Variants in DLGAP1 observed in about 807,000 individuals in gnomAD.
The protein encoded by DLGAP1 is disks large-associated protein 1.
DLGAP1 carries 11 observed loss-of-function variants against 90.8 expected under a neutral mutation model. That is an observed-to-expected ratio of 0.12 (90% CI 0.08 to 0.20). DLGAP1 has a LOEUF of 0.20. DLGAP1 is among the 10% of genes least tolerant of loss of function. The pLI, the probability that DLGAP1 is intolerant of heterozygous loss-of-function variation, is 1.00. For missense variants in DLGAP1, 1,050 were observed against 1,333.8 expected (o/e 0.79, Z 3.31); for synonymous variants, 558 against 540.7 (o/e 1.03, Z -0.44).
intron 1 of DLGAP1, among the ~76,000 whole-genome samples, chr18:4,291,974 G>C (rs2143053329): frequency 6.6e-6 from 1 of 152,146 alleles, no homozygotes; most frequent in African/African-American, 2.4e-5. Context: ...AATTCTCTGG[G>C]GTACTGTTGA....
chr18:4,325,153 C>A (rs1001377699), intron 1 of DLGAP1, among the ~76,000 whole-genome samples: 2 of 152,148 alleles, frequency 1.3e-5, no homozygotes, highest in East Asian at 1.9e-4. Context: ...TGATATACAA[C>A]TTTAGCAAAG....
At chr18:4,019,442 A>C (rs1411662711) in intron 2 of DLGAP1, among the ~76,000 whole-genome samples, 1 of 152,168 alleles carries the variant, frequency 6.6e-6, no homozygotes, top group Non-Finnish European at 1.5e-5. Flanking sequence ...ACAAGATATA[A>C]TTTTTTATGC....
chr18:3,709,422 G>T (rs189131057), intron 7 of DLGAP1, among the ~76,000 whole-genome samples: 62 of 152,274 alleles, frequency 4.1e-4, no homozygotes, highest in Non-Finnish European at 6.2e-4. Context: ...AGCTTTGTTC[G>T]AATGTGAGCT....
chr18:4,165,193 AAAAG>A (rs1453080604), intron 1 of DLGAP1, among the ~76,000 whole-genome samples: 2 of 152,202 alleles, frequency 1.3e-5, no homozygotes, highest in Non-Finnish European at 2.9e-5. Flanking sequence ...AATTAAACTG[AAAAG>A]AAAGGCAGAG....
In DLGAP1 at chr18:3,887,280, A is replaced by C. The variant is rs1421112359; in HGVS notation, c.-72-7140T>G. On this transcript the variant is annotated intron_variant, in intron 3 of 12. Transcript: ENST00000315677. ...ACCTGCACCTGTTCCTAAGTGAGAC[A>C]GGTAGTCAGGGCAAAATCATGAGAC... Among the ~76,000 whole-genome samples the C allele has an allele frequency of 2.8e-4, 43 of 152,198 alleles. 1 individual carries two copies. Among genetic ancestry groups the C allele is most frequent in the Non-Finnish European group, 1.5e-5 (1 of 68,032 alleles).
In DLGAP1 at chr18:4,004,092, G is replaced by A. The variant is rs1017946126; in HGVS notation, c.-73+1024C>T. ...AATAATTGTTATAGATGGTTCATTT[G>A]TAAGTTAGTAGACATTTCTGCTATA... is the stretch of plus-strand genomic sequence containing the variant. On this transcript the variant is annotated intron_variant, in intron 3 of 12. Transcript: ENST00000315677. 2.6e-5 allele frequency among the ~76,000 whole-genome samples: 4 copies of A among 152,192 alleles called. No individual in the cohort carries two copies. The South Asian group carries it at 6.2e-4, about 24-fold the overall frequency.
At chr18:3,949,785 A>G (rs2072948569) in intron 3 of DLGAP1, among the ~76,000 whole-genome samples, 1 of 152,226 alleles carries the variant, frequency 6.6e-6, no homozygotes, top group South Asian at 2.1e-4. Flanking sequence ...TTCTAAGAAG[A>G]TCATTTATAA....
chr18:3,810,756 T>A (rs1257779151), intron 5 of DLGAP1, among the ~76,000 whole-genome samples: 2 of 152,006 alleles, frequency 1.3e-5, no homozygotes, highest in African/African-American at 4.8e-5. Context: ...GCCTCTATAG[T>A]GTATTTTCCT....
chr18:4,322,462 ATTCT>A (rs2080714871), intron 1 of DLGAP1, among the ~76,000 whole-genome samples: 1 of 152,196 alleles, frequency 6.6e-6, no homozygotes, highest in African/African-American at 2.4e-5. Context: ...ATAAAACTGG[ATTCT>A]TTATCACAAA....
At chr18:4,056,692 C>G (rs1043136756) in intron 2 of DLGAP1, among the ~76,000 whole-genome samples, 6 of 152,142 alleles carry the variant, frequency 3.9e-5, no homozygotes, top group African/African-American at 1.4e-4. Context: ...CTGGAGAATT[C>G]CAAAGAGGTT....
intron 1 of DLGAP1, among the ~76,000 whole-genome samples, chr18:4,268,902 C>A (rs1342207873): frequency 6.6e-6 from 1 of 151,986 alleles, no homozygotes; most frequent in Non-Finnish European, 1.5e-5. Context: ...AGAATAAGAT[C>A]CACCATATAA....
At chr18:4,317,018 G>A (rs1051010453) in intron 1 of DLGAP1, among the ~76,000 whole-genome samples, 2 of 141,334 alleles carry the variant, frequency 1.4e-5, no homozygotes, top group Non-Finnish European at 3.2e-5. Context: ...TACTGGTGAG[G>A]TCCCTGCTGG....
At chr18:3,718,914 G>A (rs2061861990) in intron 7 of DLGAP1, among the ~76,000 whole-genome samples, 2 of 125,452 alleles carry the variant, frequency 1.6e-5, no homozygotes, top group Admixed American at 1.7e-4. Flanking sequence ...GGACGAGAGT[G>A]AGACTTTGTC....
rs186107664 is a variant in DLGAP1 at position 3,527,660 on chromosome 18, G to A, written c.2479+6534C>T. Among the ~76,000 whole-genome samples the A allele has an allele frequency of 4.0e-3, 611 of 151,818 alleles. 6 individuals are homozygous for A. Among genetic ancestry groups the A allele is most frequent in the African/African-American group, 0.014 (580 of 41,398 alleles). ...GGCTGGAGTGCAGTGGCACGATCAC[G>A]GCTCACTGTAGCCTCGACCTCCTGG... On this transcript the variant is annotated intron_variant, in intron 10 of 12. Transcript: ENST00000315677.
At chr18:3,641,537 C>CA (rs576340963) in intron 7 of DLGAP1, among the ~76,000 whole-genome samples, 10,201 of 63,068 alleles carry the variant, frequency 0.16, 760 homozygotes, top group Non-Finnish European at 0.19. Flanking sequence ...AACTCCGTCT[C>CA]AAAAAAAAAA....
At chr18:4,107,700 C>T (rs1256649013) in intron 2 of DLGAP1, among the ~76,000 whole-genome samples, 2 of 152,164 alleles carry the variant, frequency 1.3e-5, no homozygotes, top group African/African-American at 4.8e-5. Flanking sequence ...TGATTTATCT[C>T]TCTACGATAG....
intron 3 of DLGAP1, among the ~76,000 whole-genome samples, chr18:3,925,791 G>A (rs2072369546): frequency 6.6e-6 from 1 of 152,122 alleles, no homozygotes; most frequent in South Asian, 2.1e-4. Context: ...AATAATTTAA[G>A]TAACTTTTGA....
intron 7 of DLGAP1, among the ~76,000 whole-genome samples, chr18:3,583,182 C>A (rs138692364): frequency 0.013 from 1,896 of 143,792 alleles, 42 homozygotes; most frequent in African/African-American, 0.046. Context: ...ACCTACCTAC[C>A]TACCTTCCTT....
chr18:4,315,361 T>C (rs1364650281), intron 1 of DLGAP1, among the ~76,000 whole-genome samples: 1 of 152,222 alleles, frequency 6.6e-6, no homozygotes, highest in Non-Finnish European at 1.5e-5. Flanking sequence ...ATTATCTAGA[T>C]ATTTTGGAAA....
Sources: gnomAD v4.1 joint callset for allele counts (sites outside exome capture counted in the v4.1 genomes callset) on GRCh38, gnomAD v4.1.1 for gene constraint, MANE v1.5 for transcripts, NCBI Gene and HGNC (gene_info 2026-07-23, HGNC 2026-07-21) for gene names.